The following ZC3H7A variants were observed in gnomAD, a reference collection of about 807,000 sequenced individuals.
The protein encoded by ZC3H7A is zinc finger CCCH-type containing 7A.
ZC3H7A carries 44 observed loss-of-function variants against 125.5 expected under a neutral mutation model. The ratio of observed to expected loss-of-function variants is 0.35; its 90% confidence interval spans 0.28 to 0.45. The LOEUF is 0.45. ZC3H7A is among the 20% of genes least tolerant of loss of function. The pLI, the probability that ZC3H7A is intolerant of heterozygous loss-of-function variation, is 1.00. For missense variants in ZC3H7A, 977 were observed against 1,170.7 expected (o/e 0.83, Z 2.41); for synonymous variants, 399 against 391.2 (o/e 1.02, Z -0.23).
At chr16:11,754,421 C>A (rs941907763) in intron 21 of ZC3H7A, among the ~76,000 whole-genome samples, 9 of 150,878 alleles carry the variant, frequency 6.0e-5, no homozygotes, top group Admixed American at 2.0e-4. Context: ...GGGCATGTCA[C>A]AAGCAGAGAG....
chr16:11,760,138 A>AAAAAAAAAAAAAAAAAAAG, intron 19 of ZC3H7A, among the ~76,000 whole-genome samples: 1 of 145,598 alleles, frequency 6.9e-6, no homozygotes, highest in Non-Finnish European at 1.5e-5. Context: ...AAAAAAAAAA[A>AAAAAAAAAAAAAAAAAAAG]AAAAAAAGAA....
intron 1 of ZC3H7A, among the ~76,000 whole-genome samples, chr16:11,793,646 A>T (rs1298944131): frequency 6.6e-6 from 1 of 152,210 alleles, no homozygotes; most frequent in African/African-American, 2.4e-5. Flanking sequence ...ACTACAAAGT[A>T]GTTAAAGTAT....
Position 11,768,312 on chromosome 16 carries a change from G to T in ZC3H7A, c.1360+3C>A. The T allele has an allele frequency of 1.3e-6, 2 of 1,530,860 alleles. No individual in the cohort carries two copies. The highest frequency in any genetic ancestry group is 1.3e-5 in the South Asian group (1 of 76,836). 94.8% of individuals were successfully genotyped at this position (1,530,860 alleles called of 1,614,324 possible). ...ACTCTCTGCGTGTTTGTTTGGTCCT[G>T]ACCTGATTTTACAAAACAGATCTGG... On this transcript the variant is annotated splice_donor_region_variant and intron_variant, in intron 12 of 22. Transcript: ENST00000355758.
At chr16:11,793,611 T>C (rs1343744537) in intron 1 of ZC3H7A, among the ~76,000 whole-genome samples, 7 of 152,206 alleles carry the variant, frequency 4.6e-5, no homozygotes, top group Non-Finnish European at 1.0e-4. Context: ...GAAGCCTGTG[T>C]AATATTAATA....
chr16:11,759,306 T>C (rs2052702995), intron 19 of ZC3H7A: 1 of 152,202 alleles, frequency 6.6e-6, no homozygotes, highest in Non-Finnish European at 1.5e-5. Context: ...CAACTAATTA[T>C]TAGCTTATCT....
At chr16:11,795,979 C>T (rs866761493) in intron 1 of ZC3H7A, among the ~76,000 whole-genome samples, 1 of 151,500 alleles carries the variant, frequency 6.6e-6, no homozygotes, top group Middle Eastern at 3.4e-3. Flanking sequence ...TACCGGCGTG[C>T]GCCACCACGC....
At chr16:11,791,350 C>T (rs2053349192) in intron 1 of ZC3H7A, among the ~76,000 whole-genome samples, 1 of 151,948 alleles carries the variant, frequency 6.6e-6, no homozygotes. Flanking sequence ...TTTGTTGTTC[C>T]CTCTGCCCAA....
chr16:11,795,397 T>C (rs890439250), intron 1 of ZC3H7A, among the ~76,000 whole-genome samples: 5 of 152,352 alleles, frequency 3.3e-5, no homozygotes, highest in Admixed American at 2.6e-4. Context: ...CAAAATATAT[T>C]ACACAAAATA....
At chr16:11,778,544 T>C (rs12102382) in intron 4 of ZC3H7A, among the ~76,000 whole-genome samples, 5,284 of 151,754 alleles carry the variant, frequency 0.035, 324 homozygotes, top group African/African-American at 0.12. Flanking sequence ...CAGGGATACC[T>C]GAAAGACACA....
chr16:11,792,552 C>A (rs1290473354), intron 1 of ZC3H7A, among the ~76,000 whole-genome samples: 1 of 152,210 alleles, frequency 6.6e-6, no homozygotes, highest in Admixed American at 6.5e-5. Context: ...GGAAATGTGA[C>A]TGCAACATAC....
chr16:11,785,776 C>T (rs759146503), intron 1 of ZC3H7A, among the ~76,000 whole-genome samples: 2 of 152,240 alleles, frequency 1.3e-5, no homozygotes, highest in East Asian at 1.9e-4. Flanking sequence ...CCCGCCACCA[C>T]GCCCGGCTAC....
At chr16:11,778,089 A>G (rs2141203708) in intron 4 of ZC3H7A, among the ~76,000 whole-genome samples, 1 of 152,174 alleles carries the variant, frequency 6.6e-6, no homozygotes, top group African/African-American at 2.4e-5. Context: ...TTAAGCTTAA[A>G]AATGTGAAAA....
Position 11,762,123 on chromosome 16 carries a change from A to AT in ZC3H7A, c.2080-81dup, listed in dbSNP as rs1217431048. 2.8e-5 allele frequency: 39 copies of AT among 1,393,006 alleles called. No individual in the cohort carries two copies. In the East Asian group the frequency reaches 9.5e-4, roughly 34 times the overall value. The allele number at this position is 1,393,006 out of a possible 1,614,324, so 86.3% of individuals were successfully genotyped here. ...ATGACAAAATACTAAATCAAGATGC[A>AT]TTTTTTTCACAATAGTATACAATTT... On this transcript the variant is annotated intron_variant, in intron 17 of 22. Coordinates refer to ENST00000355758, the MANE Select transcript of ZC3H7A (RefSeq NM_014153.4).
chr16:11,771,035 G>A (rs2052971509), intron 9 of ZC3H7A, 48 bp from the exon 10 acceptor site: 2 of 1,543,344 alleles, frequency 1.3e-6, no homozygotes, highest in Non-Finnish European at 1.8e-6. Context: ...GCTGTCATGG[G>A]TTTGGCTGAA....
At chr16:11,790,676 A>C in intron 1 of ZC3H7A, among the ~76,000 whole-genome samples, 1 of 151,968 alleles carries the variant, frequency 6.6e-6, no homozygotes, top group African/African-American at 2.4e-5. Context: ...AGTAGCTGTG[A>C]TTACAGGCAC....
rs151299913 is a variant in ZC3H7A, at chr16:11,757,415, C to T, written c.2428+1016G>A. Among the ~76,000 whole-genome samples the T allele has an allele frequency of 6.1e-3, 830 of 135,824 alleles. 7 individuals are homozygous for T. The highest frequency in any genetic ancestry group is 0.022 in the African/African-American group (782 of 35,908). 89.1% of individuals were successfully genotyped at this position (135,824 alleles called of 152,430 possible). On this transcript the variant is annotated intron_variant, in intron 20 of 22. Coordinates refer to ENST00000355758, the MANE Select transcript of ZC3H7A (RefSeq NM_014153.4). ...AGGAGAATGGTGTGAACCCGGGAGG[C>T]GGAGCTTGCAGTGACCCGAGATCAC...
intron 7 of ZC3H7A, 52 bp downstream of exon 7, chr16:11,776,268 C>A: frequency 6.5e-7 from 1 of 1,526,864 alleles, no homozygotes; most frequent in Non-Finnish European, 8.8e-7. Flanking sequence ...AGAATTGCTC[C>A]CATCCTTCCC....
intron 3 of ZC3H7A, among the ~76,000 whole-genome samples, chr16:11,780,261 C>T (rs1212868530): frequency 6.6e-6 from 1 of 151,776 alleles, no homozygotes; most frequent in Non-Finnish European, 1.5e-5. Flanking sequence ...GCTGGGATTA[C>T]AGGCACCTGC....
intron 19 of ZC3H7A, chr16:11,759,031 T>A (rs577700915): frequency 6.5e-6 from 1 of 154,116 alleles, no homozygotes; most frequent in Middle Eastern, 3.4e-3. Flanking sequence ...CATAATTCAC[T>A]ACATATGCAT....
Sources: gnomAD v4.1 joint callset for allele counts (sites outside exome capture counted in the v4.1 genomes callset) on GRCh38, gnomAD v4.1.1 for gene constraint, MANE v1.5 for transcripts, NCBI Gene and HGNC (gene_info 2026-07-23, HGNC 2026-07-21) for gene names.